The following CADPS variants were observed in gnomAD, a reference collection of about 807,000 sequenced individuals.
CADPS encodes calcium dependent secretion activator, also known as calcium-dependent secretion activator 1.
In CADPS, 57 loss-of-function variants were observed where a neutral mutation model predicts 167.3. That is an observed-to-expected ratio of 0.34 (90% confidence interval 0.28 to 0.42). The LOEUF is 0.42. CADPS is among the 20% of genes least tolerant of loss of function. CADPS has a pLI of 1.00. For missense variants in CADPS, 1,414 were observed against 1,738.1 expected (o/e 0.81, Z 3.32); for synonymous variants, 676 against 635.3 (o/e 1.06, Z -0.96).
intron 1 of CADPS, among the ~76,000 whole-genome samples, chr3:62,813,274 C>A (rs944048728): frequency 6.6e-6 from 1 of 151,950 alleles, no homozygotes; most frequent in Non-Finnish European, 1.5e-5. Context: ...GACACATAAT[C>A]CAGTAGAACA....
intron 21 of CADPS, among the ~76,000 whole-genome samples, chr3:62,488,294 C>T (rs752886798): frequency 1.3e-5 from 2 of 152,080 alleles, no homozygotes; most frequent in East Asian, 1.9e-4. Context: ...TTTCTATTCA[C>T]GTTGTAGGAA....
At chr3:62,742,110 T>C (rs188396097) in intron 3 of CADPS, among the ~76,000 whole-genome samples, 1 of 152,086 alleles carries the variant, frequency 6.6e-6, no homozygotes, top group East Asian at 1.9e-4. Context: ...AAATCACTGC[T>C]CAAAGAAATC....
intron 21 of CADPS, among the ~76,000 whole-genome samples, chr3:62,486,689 A>G (rs1181083127): frequency 3.3e-5 from 5 of 152,164 alleles, no homozygotes; most frequent in Non-Finnish European, 5.9e-5. Context: ...TTCACCCAGG[A>G]AAGAATTCAA....
chr3:62,725,271 C>T (rs939660996), intron 3 of CADPS, among the ~76,000 whole-genome samples: 1 of 152,146 alleles, frequency 6.6e-6, no homozygotes, highest in African/African-American at 2.4e-5. Flanking sequence ...TGAAATGTGG[C>T]CAGTGTGATA....
At chr3:62,518,756 T>G (rs1353358510) in intron 13 of CADPS, among the ~76,000 whole-genome samples, 1 of 152,122 alleles carries the variant, frequency 6.6e-6, no homozygotes. Flanking sequence ...GGGTTTGGGG[T>G]CCCTGAATTA....
chr3:62,662,455 G>C, intron 3 of CADPS, 61 bp from the exon 4 acceptor site: 4 of 1,457,258 alleles, frequency 2.7e-6, no homozygotes. Context: ...ATAAACTCAG[G>C]ACATTCCATT....
intron 6 of CADPS, among the ~76,000 whole-genome samples, chr3:62,616,828 T>C (rs187237280): frequency 2.2e-4 from 34 of 152,314 alleles, no homozygotes; most frequent in Admixed American, 5.2e-4. Flanking sequence ...ACTTATCATA[T>C]TATCTATATA....
chr3:62,427,578 A>G (rs753491879), intron 28 of CADPS, among the ~76,000 whole-genome samples: 9 of 151,958 alleles, frequency 5.9e-5, no homozygotes, highest in Non-Finnish European at 2.9e-5. Flanking sequence ...CATGCCCCCA[A>G]CCCCCGAGTT....
At chr3:62,643,931 C>T (rs982993150) in intron 6 of CADPS, among the ~76,000 whole-genome samples, 5 of 152,110 alleles carry the variant, frequency 3.3e-5, no homozygotes, top group African/African-American at 9.7e-5. Flanking sequence ...AAAAAGAAAC[C>T]ACATTTATTG....
At chr3:62,432,471 C>T (rs1468011765) in intron 28 of CADPS, among the ~76,000 whole-genome samples, 1 of 152,200 alleles carries the variant, frequency 6.6e-6, no homozygotes, top group Non-Finnish European at 1.5e-5. Flanking sequence ...TGCTCTACAT[C>T]AAGCAATTCT....
At chr3:62,638,108 G>T (rs971453165) in intron 6 of CADPS, among the ~76,000 whole-genome samples, 35 of 130,348 alleles carry the variant, frequency 2.7e-4, no homozygotes, top group African/African-American at 8.3e-4. Context: ...TATATATATA[G>T]CAATTAATTT....
chr3:62,826,594 T>C (rs2074087526), intron 1 of CADPS, among the ~76,000 whole-genome samples: 1 of 152,174 alleles, frequency 6.6e-6, no homozygotes, highest in African/African-American at 2.4e-5. Flanking sequence ...TTCATATCTT[T>C]AAATATCATC....
At chr3:62,475,430 A>G (rs2061146987) in intron 23 of CADPS, among the ~76,000 whole-genome samples, 1 of 152,114 alleles carries the variant, frequency 6.6e-6, no homozygotes, top group African/African-American at 2.4e-5. Context: ...CCAGGAAAGC[A>G]TTACTTTAAG....
At position 62,516,039 on chromosome 3, in the gene CADPS, G is replaced by C; in HGVS notation, c.2581+20C>G. ...ATATCAAAATTTAAATTCAAAACTG[G>C]GGGCAGAAGGGAGCCTTACCTTCGA... On this transcript the variant is annotated intron_variant, in intron 16 of 29. Coordinates refer to ENST00000383710, the MANE Select transcript of CADPS (RefSeq NM_003716.4). 9.3e-6 allele frequency: 15 copies of C among 1,611,978 alleles called. No individual in the cohort carries two copies. Among genetic ancestry groups the C allele is most frequent in the Non-Finnish European group, 1.3e-5 (15 of 1,178,860 alleles).
chr3:62,659,529 G>C (rs56252225), intron 4 of CADPS, among the ~76,000 whole-genome samples: 1 of 152,008 alleles, frequency 6.6e-6, no homozygotes, highest in East Asian at 1.9e-4. Flanking sequence ...TGACATCTCA[G>C]TGTAGACTCT....
intron 1 of CADPS, among the ~76,000 whole-genome samples, chr3:62,787,223 A>AGGC: frequency 6.6e-6 from 1 of 152,124 alleles, no homozygotes; most frequent in South Asian, 2.1e-4. Context: ...TGAGTCCAGG[A>AGGC]GGCGGAGGTT....
At chr3:62,538,252 T>A (rs919262035) in intron 11 of CADPS, among the ~76,000 whole-genome samples, 38 of 152,020 alleles carry the variant, frequency 2.5e-4, no homozygotes, top group African/African-American at 8.2e-4. Context: ...TTCTTTGACT[T>A]AGGATGGCCA....
At chr3:62,804,257 G>C (rs1466404343) in intron 1 of CADPS, among the ~76,000 whole-genome samples, 1 of 152,108 alleles carries the variant, frequency 6.6e-6, no homozygotes, top group Non-Finnish European at 1.5e-5. Context: ...GAAGAAACTG[G>C]GGAGCTGGGA....
At position 62,438,715 on chromosome 3, in the gene CADPS, TTG is replaced by T. The variant is rs34771903; in HGVS notation, c.3670-506_3670-505del. On this transcript the variant is annotated intron_variant, in intron 27 of 29. Coordinates refer to ENST00000383710, the MANE Select transcript of CADPS (RefSeq NM_003716.4). The surrounding 1 kb of genome is among the most constrained non-coding windows in gnomAD (Gnocchi z 4.7). ...TATACCTCTTCCTACCCAAGTCTCA[TTG>T]TGTGTGTGTGTGTGTGTGTGTGTGT... The T allele has an allele frequency of 0.43, 61,741 of 143,812 alleles. 14,064 individuals carry two copies. Among genetic ancestry groups the T allele is most frequent in the Non-Finnish European group, 0.51 (33,666 of 66,324 alleles). 8.9% of individuals were successfully genotyped at this position (143,812 alleles called of 1,614,324 possible).
Sources: gnomAD v4.1 joint callset for allele counts (sites outside exome capture counted in the v4.1 genomes callset) on GRCh38, gnomAD v4.1.1 for gene constraint, Gnocchi (gnomAD v3.1) non-coding constraint, MANE v1.5 for transcripts, NCBI Gene and HGNC (gene_info 2026-07-23, HGNC 2026-07-21) for gene names.